Variants in ACAD11 observed in about 807,000 individuals in gnomAD.
ACAD11 encodes acyl-CoA dehydrogenase family member 11, also known as acyl-Coenzyme A dehydrogenase family, member 11.
A neutral mutation model predicts 102.2 loss-of-function variants in ACAD11; 83 were observed. The observed-to-expected ratio is 0.81, with a 90% CI of 0.68 to 0.97. The LOEUF (loss-of-function observed/expected upper bound fraction) is 0.97, where lower values mean the gene tolerates loss of function less well. ACAD11 is among the 50% of genes least tolerant of loss of function. The probability of loss-of-function intolerance (pLI) is 0.00; values close to 1 mark genes in which losing one functional copy is unlikely to be tolerated. For synonymous variants in ACAD11, 324 were observed against 319.8 expected, an observed-to-expected ratio of 1.01 and a Z score of -0.14; for missense variants, 901 against 951.7, an observed-to-expected ratio of 0.95 and a Z score of 0.70.
chr3:132,564,199 C>T (rs1008482676), intron 17 of ACAD11, among the ~76,000 whole-genome samples: 8 of 152,078 alleles, frequency 5.3e-5, no homozygotes, highest in Non-Finnish European at 8.8e-5. Context: ...TTCGGTAATA[C>T]TTTGCTGGTG....
chr3:132,599,408 G>C (rs942550566), intron 13 of ACAD11, among the ~76,000 whole-genome samples: 2 of 151,958 alleles, frequency 1.3e-5, no homozygotes, highest in Non-Finnish European at 1.5e-5. Context: ...TTGGGAGGCT[G>C]AGGCAGGAGA....
chr3:132,601,717 C>T, intron 13 of ACAD11: 4 of 446,344 alleles, frequency 9.0e-6, no homozygotes, highest in South Asian at 8.6e-5. Flanking sequence ...CGAAGAAGAG[C>T]TTTGTGGTGA....
chr3:132,619,660 A>G (rs754032585), intron 9 of ACAD11, 115 bp from the exon 10 acceptor site: 9 of 546,060 alleles, frequency 1.6e-5, no homozygotes, highest in Non-Finnish European at 2.9e-5. Context: ...TTTTTCAGCT[A>G]TTATTAAACC....
chr3:132,595,401 A>C (rs979080413), intron 13 of ACAD11, among the ~76,000 whole-genome samples: 4 of 152,098 alleles, frequency 2.6e-5, no homozygotes, highest in African/African-American at 9.7e-5. Context: ...CTTGTAGACT[A>C]CTATGAGAGT....
At chr3:132,578,651 C>T in intron 15 of ACAD11, 145 bp downstream of exon 15, 1 of 773,648 alleles carries the variant, frequency 1.3e-6, no homozygotes, top group Non-Finnish European at 2.0e-6. Flanking sequence ...CTGAACTCCA[C>T]CAGCATTTAT....
rs369005281 is a variant in ACAD11, at chr3:132,626,759, G to A, written c.1129C>T (p.Arg377Trp). ...DTTGQLFVQT[R>W]KGQEVLIKVK... The stretch of plus-strand genomic sequence containing the variant: ...TTAATAAGAACTTCCTGACCTTTCC[G>A]AGTCTGTACAAACAACTGTCCAGTA... The change falls in exon 9 of 20, where the codon CGG (arginine) becomes TGG (tryptophan). Residue 377 changes from arginine (R) to tryptophan (W), a missense_variant. By Grantham distance (101) the Arg-to-Trp change is moderately radical. Coordinates refer to ENST00000264990, the MANE Select transcript of ACAD11 (RefSeq NM_032169.5). 2.8e-5 allele frequency: 45 copies of A among 1,613,534 alleles called. No homozygotes were observed. The highest frequency in any genetic ancestry group is 3.5e-5 in the Non-Finnish European group (41 of 1,179,916).
intron 4 of ACAD11, 130 bp from the exon 5 acceptor site, chr3:132,639,786 C>T (rs1034024503): frequency 2.5e-6 from 2 of 786,268 alleles, no homozygotes; most frequent in Admixed American, 6.2e-5. Context: ...GGTGATACTC[C>T]TGTCATCCTA....
intron 1 of ACAD11, among the ~76,000 whole-genome samples, chr3:132,656,406 TGTTGA>T (rs1467300657): frequency 6.6e-6 from 1 of 152,142 alleles, no homozygotes; most frequent in African/African-American, 2.4e-5. Context: ...TACAAGATCA[TGTTGA>T]GTTATTTTTC....
chr3:132,625,075 G>A lies in ACAD11; in HGVS notation c.1197+1616C>T, dbSNP rs12490906. Among the ~76,000 whole-genome samples, 118 of 152,272 alleles carry A rather than the reference G, an allele frequency of 7.7e-4. 2 individuals carry two copies. The East Asian group carries it at 8.5e-3, about 11-fold the overall frequency. On this transcript the variant is annotated intron_variant, in intron 9 of 19. Coordinates refer to ENST00000264990, the MANE Select transcript of ACAD11 (RefSeq NM_032169.5). ...TTATAAGAGACCAACCGAAGCAGTC[G>A]TCCACCTGCAGGTAATTCTTAAATC...
chr3:132,584,277 T>C (rs936086874), intron 13 of ACAD11, among the ~76,000 whole-genome samples: 1 of 152,296 alleles, frequency 6.6e-6, no homozygotes, highest in East Asian at 1.9e-4. Context: ...GGATAGTTAG[T>C]TCTTCTTGTT....
chr3:132,646,425 T>A (rs562465990), intron 1 of ACAD11: 63 of 152,364 alleles, frequency 4.1e-4, no homozygotes, highest in African/African-American at 1.4e-3. Flanking sequence ...ACACATTTTT[T>A]AAAAAATGCC....
At chr3:132,628,790 CAA>C (rs1026435437) in intron 7 of ACAD11, among the ~76,000 whole-genome samples, 4 of 151,990 alleles carry the variant, frequency 2.6e-5, no homozygotes, top group African/African-American at 9.7e-5. Flanking sequence ...TCTAAAGAAA[CAA>C]AAATAAGATT....
Position 132,639,513 on chromosome 3 carries a change from G to A in ACAD11, c.681C>T (p.Asn227=), listed in dbSNP as rs145560625. 2.7e-5 allele frequency: 44 copies of A among 1,613,592 alleles called. No individual in the cohort carries two copies. The African/African-American group carries it at 5.3e-4, about 20-fold the overall frequency. Residue 227 remains asparagine, a synonymous_variant, in exon 5 of 20, where the codon AAC becomes AAT. Transcript: ENST00000264990. ...GTACCTCTTTAGGGTGGAAAACTATGTTATCTAGTCTGAAATCTCCATGAA... is the reference window on the plus strand; with the variant it reads ...GTACCTCTTTAGGGTGGAAAACTATATTATCTAGTCTGAAATCTCCATGAA... The part of the protein sequence containing the change: ...NLIHGDFRLD[N]IVFHPKECRV...
At chr3:132,641,387 C>G (rs1443916838) in intron 4 of ACAD11, among the ~76,000 whole-genome samples, 1 of 151,828 alleles carries the variant, frequency 6.6e-6, no homozygotes. Context: ...ACTAAAAATA[C>G]AAAAAAATTA....
chr3:132,644,176 A>G (rs1435070675), intron 2 of ACAD11, among the ~76,000 whole-genome samples: 1 of 152,134 alleles, frequency 6.6e-6, no homozygotes, highest in African/African-American at 2.4e-5. Context: ...CCTGCTGTAC[A>G]TGATTACGGC....
At chr3:132,634,911 G>C (rs914986637) in intron 5 of ACAD11, among the ~76,000 whole-genome samples, 1 of 145,048 alleles carries the variant, frequency 6.9e-6, no homozygotes, top group African/African-American at 2.5e-5. Context: ...GTTGTGGGGT[G>C]GGGGGGTGGG....
chr3:132,610,120 G>C (rs531130981), intron 11 of ACAD11, among the ~76,000 whole-genome samples: 1 of 151,970 alleles, frequency 6.6e-6, no homozygotes, highest in Non-Finnish European at 1.5e-5. Context: ...TTGATAGAAC[G>C]TATCTCAAAA....
intron 5 of ACAD11, among the ~76,000 whole-genome samples, chr3:132,631,921 A>G (rs933846069): frequency 1.2e-4 from 19 of 152,348 alleles, no homozygotes; most frequent in African/African-American, 4.3e-4. Context: ...TTCATGTTGT[A>G]GATACAAAGC....
rs1391636943 is a variant in ACAD11 at position 132,558,252 on chromosome 3, A to G, written c.*719T>C. 6.6e-6 allele frequency: 1 copy of G among 152,172 alleles called. No homozygotes were observed. The highest frequency in any genetic ancestry group is 1.9e-4 in the East Asian group (1 of 5,204). The allele number at this position is 152,172 out of a possible 1,614,324, so 9.4% of individuals were successfully genotyped here. ...CACTTCAAATAAGGATACCTTTTAT[A>G]AAGTACTTTCTTGTGGTTTTACAGA... On this transcript the variant is annotated 3_prime_UTR_variant, in exon 20 of 20. Transcript: ENST00000264990.
Sources: allele counts gnomAD v4.1 joint callset (sites outside exome capture counted in the v4.1 genomes callset), GRCh38; gene constraint gnomAD v4.1.1; transcripts MANE v1.5; gene names NCBI Gene and HGNC (gene_info 2026-07-23, HGNC 2026-07-21).